Variants in NUMA1 observed in about 807,000 individuals in gnomAD.
NUMA1 encodes the protein SP-H antigen.
Under a neutral mutation model 237.1 loss-of-function variants are expected in NUMA1, and 62 were observed. The ratio of observed to expected loss-of-function variants is 0.26; its 90% CI spans 0.21 to 0.32. The LOEUF is 0.32. NUMA1 is among the 10% of genes least tolerant of loss of function. The pLI, the probability that NUMA1 is intolerant of heterozygous loss-of-function variation, is 1.00. For synonymous variants in NUMA1, 1,028 were observed against 1,066.1 expected, an observed-to-expected ratio of 0.96 and a Z score of 0.70; for missense variants, 2,533 against 2,666.5, an observed-to-expected ratio of 0.95 and a Z score of 1.10.
rs779837381 is a variant in NUMA1, at chr11:72,014,378, C to T, written c.3125G>A (p.Arg1042His). 9 of 1,612,840 alleles carry T rather than the reference C, an allele frequency of 5.6e-6. No homozygotes were observed. The highest frequency in any genetic ancestry group is 4.4e-5 in the South Asian group (4 of 91,088). The change falls in exon 15 of 27, where the codon CGT (arginine) becomes CAT (histidine). Residue 1042 changes from arginine (R) to histidine (H), a missense_variant. By Grantham distance (29) the Arg-to-His change is conservative (BLOSUM62 0). This residue lies in a region of NUMA1 where 1,414 missense variants were observed against 1,508.1 expected (regional missense o/e 0.94). Coordinates refer to ENST00000393695, the MANE Select transcript of NUMA1 (RefSeq NM_006185.4). This position sits in a 1 kb window ranked among gnomAD's most constrained non-coding sequence, Gnocchi z 4.6. ...CTCTTGCAGGGTAGCGAACTCCACA[C>T]GCTGCTCGTTGAGGGCGTTCTGCAG... is the stretch of plus-strand genomic sequence containing the variant. Reference protein sequence around the residue: ...MRLQNALNEQRVEFATLQEAL... With the variant: ...MRLQNALNEQHVEFATLQEAL...
At chr11:72,044,991 T>C (rs1406818793) in intron 2 of NUMA1, among the ~76,000 whole-genome samples, 1 of 152,146 alleles carries the variant, frequency 6.6e-6, no homozygotes, top group Non-Finnish European at 1.5e-5. Context: ...AATCTTGTAT[T>C]ACACTGGTGA....
chr11:72,015,907 C>T lies in NUMA1; in HGVS notation c.1596G>A (p.Gln532=). 6.2e-7 allele frequency: 1 copy of T among 1,614,088 alleles called. No individual in the cohort carries two copies. The highest frequency in any genetic ancestry group is 8.5e-7 in the Non-Finnish European group (1 of 1,180,026). ...GTTGGAGGGTCTGTGCTAGCTGGGC[C>T]TGCTTCTCTTTGGCCTGCTGCTTCA... ...AGLKQQAKEK[Q]AQLAQTLQQQ... Residue 532 remains glutamine, a synonymous_variant, in exon 15 of 27, where the codon CAG becomes CAA. Coordinates refer to ENST00000393695, the MANE Select transcript of NUMA1 (RefSeq NM_006185.4). This position sits in a 1 kb window ranked among gnomAD's most constrained non-coding sequence, Gnocchi z 4.0.
At chr11:72,010,964 G>T in intron 16 of NUMA1, 110 bp from the exon 17 acceptor site, 1 of 968,458 alleles carries the variant, frequency 1.0e-6, no homozygotes, top group Non-Finnish European at 1.6e-6. Context: ...AGTGTTCCTA[G>T]AATAAACTCA....
At chr11:72,021,011 G>A (rs1283528281) in intron 8 of NUMA1, 193 bp downstream of exon 8, 1 of 564,558 alleles carries the variant, frequency 1.8e-6, no homozygotes, top group East Asian at 2.9e-5. Flanking sequence ...GCAGCAAGGA[G>A]GAGCTCCATA....
intron 2 of NUMA1, chr11:72,050,730 C>G (rs1052666060): frequency 2.0e-5 from 3 of 152,214 alleles, no homozygotes; most frequent in African/African-American, 7.2e-5. Context: ...ATCCAGTGCT[C>G]TCTCCAGCAC....
intron 16 of NUMA1, among the ~76,000 whole-genome samples, chr11:72,011,822 C>T (rs1488897172): frequency 6.6e-6 from 1 of 152,152 alleles, no homozygotes; most frequent in Non-Finnish European, 1.5e-5. Flanking sequence ...GTATAGACCC[C>T]TCCTGCTCCT....
At chr11:72,049,895 A>G (rs1942245419) in intron 2 of NUMA1, among the ~76,000 whole-genome samples, 1 of 151,914 alleles carries the variant, frequency 6.6e-6, no homozygotes, top group South Asian at 2.1e-4. Flanking sequence ...ACCATTCTCA[A>G]CAACAAATCT....
intron 2 of NUMA1, among the ~76,000 whole-genome samples, chr11:72,046,161 C>T (rs1941983754): frequency 6.6e-6 from 1 of 152,220 alleles, no homozygotes; most frequent in Admixed American, 6.5e-5. Flanking sequence ...GCCCCTCTCA[C>T]AGCCTAGACA....
intron 2 of NUMA1, among the ~76,000 whole-genome samples, chr11:72,061,925 C>G (rs1247518021): frequency 6.6e-6 from 1 of 152,174 alleles, no homozygotes; most frequent in Non-Finnish European, 1.5e-5. Flanking sequence ...AACACACATA[C>G]ACATCACACC....
At chr11:72,028,895 CAA>C (rs1186485916) in intron 4 of NUMA1, among the ~76,000 whole-genome samples, 1 of 152,162 alleles carries the variant, frequency 6.6e-6, no homozygotes. Context: ...TCTGGTGAGA[CAA>C]GAGATGGGGA....
rs1955802044 is a variant in NUMA1 at position 72,007,352 on chromosome 11, A to G, written c.5300T>C (p.Val1767Ala). ...SPISQRLPPK[V>A]ESLESLYFTP... ...GAAGTAGAGACTCTCCAGGGATTCT[A>G]CCTTGGGGGGCAGGCGCTGGGAGAT... Residue 1767 changes from valine (V) to alanine (A), a missense_variant, in exon 21 of 27, where the codon GTA (valine) becomes GCA (alanine). Physicochemically the swap from Val to Ala is moderately conservative, Grantham distance 64. Coordinates refer to ENST00000393695, the MANE Select transcript of NUMA1 (RefSeq NM_006185.4). The G allele has an allele frequency of 6.2e-7, 1 of 1,613,578 alleles. No individual in the cohort carries two copies. The highest frequency in any genetic ancestry group is 2.2e-5 in the East Asian group (1 of 44,862).
At chr11:72,012,499 G>A in intron 15 of NUMA1, 57 bp from the exon 16 acceptor site, 2 of 1,527,916 alleles carry the variant, frequency 1.3e-6, no homozygotes, top group Non-Finnish European at 1.8e-6. Flanking sequence ...AGAAGCACCA[G>A]CCCTGCTGCC....
At chr11:72,059,301 A>C (rs913073298) in intron 2 of NUMA1, among the ~76,000 whole-genome samples, 1 of 152,096 alleles carries the variant, frequency 6.6e-6, no homozygotes, top group Non-Finnish European at 1.5e-5. Flanking sequence ...TTTTGAGACA[A>C]AGTCTCACTC....
At chr11:72,004,886 C>G in intron 23 of NUMA1, 70 bp from the exon 24 acceptor site, 2 of 1,414,024 alleles carry the variant, frequency 1.4e-6, no homozygotes, top group Non-Finnish European at 9.5e-7. Flanking sequence ...GGGGCTGTCC[C>G]AGAACTCTAC....
intron 7 of NUMA1, 101 bp from the exon 8 acceptor site, chr11:72,021,392 A>T (rs1421064424): frequency 9.9e-7 from 1 of 1,009,986 alleles, no homozygotes; most frequent in Non-Finnish European, 1.5e-6. Context: ...CGGCTCCCTC[A>T]TGCCCTAGGA....
chr11:72,067,840 GCTGT>G (rs1943266538), intron 2 of NUMA1: 1 of 152,140 alleles, frequency 6.6e-6, no homozygotes, highest in African/African-American at 2.4e-5. Context: ...TTTTGACCAG[GCTGT>G]CTAACACCTC....
intron 2 of NUMA1, among the ~76,000 whole-genome samples, chr11:72,052,033 A>T (rs1942387783): frequency 6.6e-6 from 1 of 152,224 alleles, no homozygotes; most frequent in Non-Finnish European, 1.5e-5. Flanking sequence ...CCAGAGGCAG[A>T]AAATGGACTT....
At position 72,004,823 on chromosome 11, in the gene NUMA1, G is replaced by A; in HGVS notation, c.5830-7C>T. On this transcript the variant is annotated splice_polypyrimidine_tract_variant and splice_region_variant and intron_variant, in intron 23 of 26. Transcript: ENST00000393695. ...TGCCCAGGCTCAGGGAAGGCTGCAT[G>A]GGTGGAAGAGGTGGTCAGTGGACCA... The A allele has an allele frequency of 6.4e-7, 1 of 1,558,498 alleles. No individual in the cohort carries two copies. The highest frequency in any genetic ancestry group is 8.7e-7 in the Non-Finnish European group (1 of 1,153,856).
chr11:72,039,942 A>G (rs1013695060), intron 2 of NUMA1: 1 of 152,132 alleles, frequency 6.6e-6, no homozygotes, highest in Non-Finnish European at 1.5e-5. Flanking sequence ...CAGAGGGGCC[A>G]AGCCACCTTG....
Sources: allele counts gnomAD v4.1 joint callset (sites outside exome capture counted in the v4.1 genomes callset), GRCh38; gene constraint gnomAD v4.1.1; regional missense constraint gnomAD v4.1.1; non-coding constraint Gnocchi (gnomAD v3.1); transcripts MANE v1.5; gene names NCBI Gene and HGNC (gene_info 2026-07-23, HGNC 2026-07-21).